CCNY: variants seen among roughly 807,000 people sequenced by gnomAD.
CCNY encodes cyclin-Y.
CCNY carries 19 observed loss-of-function variants against 42.8 expected under a neutral mutation model. The observed-to-expected ratio is 0.44, with a 90% CI of 0.31 to 0.65. The LOEUF is 0.65. CCNY is among the 30% of genes least tolerant of loss of function. The pLI, the probability that CCNY is intolerant of heterozygous loss-of-function variation, is 0.07. For synonymous variants in CCNY, 165 were observed against 162.7 expected (o/e 1.01, Z -0.11); for missense variants, 370 against 437.3 (o/e 0.85, Z 1.37).
chr10:35,453,737 T>A (rs543184481), intron 1 of CCNY, among the ~76,000 whole-genome samples: 145 of 152,354 alleles, frequency 9.5e-4, no homozygotes, highest in African/African-American at 3.1e-3. Context: ...CTGGCTTTTT[T>A]AAGGCTCTTT....
At chr10:35,390,754 G>T (rs1016957015) in intron 1 of CCNY, among the ~76,000 whole-genome samples, 1 of 152,150 alleles carries the variant, frequency 6.6e-6, no homozygotes, top group Non-Finnish European at 1.5e-5. Flanking sequence ...GGCATAGGGC[G>T]GTGATTTTCA....
At chr10:35,428,181 A>G (rs993677648) in intron 1 of CCNY, among the ~76,000 whole-genome samples, 1 of 152,188 alleles carries the variant, frequency 6.6e-6, no homozygotes, top group Non-Finnish European at 1.5e-5. Flanking sequence ...TGTGTTCTTT[A>G]CAGTCTAATG....
chr10:35,406,208 T>TATTC (rs1466532578), intron 1 of CCNY, among the ~76,000 whole-genome samples: 10 of 137,118 alleles, frequency 7.3e-5, no homozygotes, highest in African/African-American at 2.5e-4. Context: ...TTATTTTATT[T>TATTC]ATTTATTTAT....
chr10:35,564,431 C>G (rs1841526922), intron 8 of CCNY, among the ~76,000 whole-genome samples: 1 of 152,164 alleles, frequency 6.6e-6, no homozygotes, highest in Non-Finnish European at 1.5e-5. Context: ...CCTTACTGTT[C>G]TTGTCCTTTG....
Position 35,419,533 on chromosome 10 carries a change from C to CTTTTTTTTTTTTTTTTTTTTTTTTTT in CCNY, c.155-63856_155-63855insTTTTTTTTTTTTTTTTTTTTTTTTTT, listed in dbSNP as rs34429228. ...AGGACTGGGTTGCATTAGACCGTTC[C>CTTTTTTTTTTTTTTTTTTTTTTTTTT]TTTTTTTTTTTTTTTAGCAATCTGG... On this transcript the variant is annotated intron_variant, in intron 1 of 9. Coordinates refer to ENST00000374704, the MANE Select transcript of CCNY (RefSeq NM_145012.6). 2.0e-3 allele frequency among the ~76,000 whole-genome samples: 253 copies of CTTTTTTTTTTTTTTTTTTTTTTTTTT among 129,594 alleles called. 18 individuals carry two copies. Among genetic ancestry groups the CTTTTTTTTTTTTTTTTTTTTTTTTTT allele is most frequent in the African/African-American group, 7.3e-3 (231 of 31,652 alleles). 85.0% of individuals were successfully genotyped at this position (129,594 alleles called of 152,430 possible).
chr10:35,336,348 G>A (rs1413816908), upstream of CCNY: 3 of 152,120 alleles, frequency 2.0e-5, no homozygotes, highest in South Asian at 2.1e-4. Flanking sequence ...CCCGAGAGAG[G>A]AGCGGCCCCC....
chr10:35,378,036 A>G (rs1344104275), intron 1 of CCNY, among the ~76,000 whole-genome samples: 1 of 152,200 alleles, frequency 6.6e-6, no homozygotes, highest in African/African-American at 2.4e-5. Flanking sequence ...ACTACCTCAA[A>G]ATGTGACAAA....
chr10:35,266,087 T>C (rs1010277170), intron 3 of CCNY, among the ~76,000 whole-genome samples: 3 of 152,040 alleles, frequency 2.0e-5, no homozygotes, highest in Non-Finnish European at 4.4e-5. Context: ...TTTACTATTA[T>C]TATTTTTTGA....
intron 1 of CCNY, among the ~76,000 whole-genome samples, chr10:35,350,590 G>A (rs1836408573): frequency 6.6e-6 from 1 of 152,176 alleles, no homozygotes; most frequent in Admixed American, 6.5e-5. Flanking sequence ...GCCCCCCGAG[G>A]CAGGTGGTGA....
chr10:35,301,152 C>T (rs1471797755), intron 3 of CCNY, among the ~76,000 whole-genome samples: 3 of 152,158 alleles, frequency 2.0e-5, no homozygotes, highest in African/African-American at 7.2e-5. Context: ...AGAGAGATCA[C>T]ACAAGGATTC....
intron 1 of CCNY, among the ~76,000 whole-genome samples, chr10:35,444,717 A>G (rs967254337): frequency 6.6e-6 from 1 of 152,250 alleles, no homozygotes; most frequent in Admixed American, 6.5e-5. Flanking sequence ...CCAAAACGTT[A>G]CGCAGTGCAT....
intron 1 of CCNY, among the ~76,000 whole-genome samples, chr10:35,453,881 T>C (rs188141634): frequency 3.3e-5 from 5 of 152,370 alleles, no homozygotes; most frequent in African/African-American, 7.2e-5. Context: ...TGGTTTCTTA[T>C]TGGTAAACAC....
At chr10:35,308,268 G>C (rs940667928) in intron 3 of CCNY, among the ~76,000 whole-genome samples, 47 of 152,138 alleles carry the variant, frequency 3.1e-4, no homozygotes, top group African/African-American at 1.1e-3. Flanking sequence ...GAGGTGGGAG[G>C]CTGGGCACAG....
intron 1 of CCNY, among the ~76,000 whole-genome samples, chr10:35,358,138 T>C (rs992103954): frequency 8.5e-5 from 13 of 152,238 alleles, no homozygotes; most frequent in Admixed American, 7.9e-4. Flanking sequence ...AGTATGGATG[T>C]CATACTTCCC....
intron 1 of CCNY, among the ~76,000 whole-genome samples, chr10:35,346,419 C>G (rs1015772284): frequency 1.3e-5 from 2 of 152,196 alleles, no homozygotes; most frequent in African/African-American, 4.8e-5. Flanking sequence ...GCATGTCAGC[C>G]TGGCAAGTCA....
chr10:35,303,482 G>T (rs114172310), intron 3 of CCNY, among the ~76,000 whole-genome samples: 1,784 of 150,402 alleles, frequency 0.012, 44 homozygotes, highest in African/African-American at 0.042. Flanking sequence ...TTCTTAAAAA[G>T]AAAGAGGAAA....
At chr10:35,385,557 G>A (rs918981101) in intron 1 of CCNY, among the ~76,000 whole-genome samples, 6 of 152,210 alleles carry the variant, frequency 3.9e-5, no homozygotes, top group Non-Finnish European at 8.8e-5. Context: ...TTTGTCCACA[G>A]TTTTCCAAAG....
chr10:35,432,184 G>A (rs912947973), intron 1 of CCNY, among the ~76,000 whole-genome samples: 4 of 152,190 alleles, frequency 2.6e-5, no homozygotes, highest in African/African-American at 9.6e-5. Context: ...TAAGTGCTGT[G>A]TTGGAATCTT....
chr10:35,493,541 G>A (rs1189581703), intron 2 of CCNY, among the ~76,000 whole-genome samples: 1 of 152,138 alleles, frequency 6.6e-6, no homozygotes, highest in African/African-American at 2.4e-5. Context: ...TGACATCTAG[G>A]GAGGCAGCTG....
Sources: allele counts gnomAD v4.1 joint callset (sites outside exome capture counted in the v4.1 genomes callset), GRCh38; gene constraint gnomAD v4.1.1; transcripts MANE v1.5; gene names NCBI Gene and HGNC (gene_info 2026-07-23, HGNC 2026-07-21).